The following ZSWIM6 variants were observed in gnomAD, a reference collection of about 807,000 sequenced individuals.
ZSWIM6 encodes zinc finger SWIM-type containing 6, also known as zinc finger SWIM domain-containing protein 6.
ZSWIM6 carries 9 observed loss-of-function variants against 113.2 expected under a neutral mutation model. That is an observed-to-expected ratio of 0.08 (90% CI 0.05 to 0.14). ZSWIM6 has a LOEUF of 0.14. ZSWIM6 is among the 10% of genes least tolerant of loss of function. The probability of loss-of-function intolerance (pLI) is 1.00; values close to 1 mark genes in which losing one functional copy is unlikely to be tolerated. For synonymous variants in ZSWIM6, 611 were observed against 606.5 expected, an observed-to-expected ratio of 1.01 and a Z score of -0.11; for missense variants, 1,162 against 1,552.2, an observed-to-expected ratio of 0.75 and a Z score of 4.22.
chr5:61,446,350 T>A (rs986210082), intron 1 of ZSWIM6, among the ~76,000 whole-genome samples: 19 of 152,206 alleles, frequency 1.2e-4, no homozygotes, highest in Non-Finnish European at 2.6e-4. Flanking sequence ...TAGACAAAGC[T>A]AGTCATCAGT....
At chr5:61,339,937 A>G (rs1744501643) in intron 1 of ZSWIM6, among the ~76,000 whole-genome samples, 2 of 152,250 alleles carry the variant, frequency 1.3e-5, no homozygotes, top group African/African-American at 4.8e-5. Flanking sequence ...AATCAGTATC[A>G]AATGATAATT....
At chr5:61,537,291 C>G (rs1194209278) in intron 10 of ZSWIM6, among the ~76,000 whole-genome samples, 1 of 152,028 alleles carries the variant, frequency 6.6e-6, no homozygotes, top group Admixed American at 6.6e-5. Flanking sequence ...AATTTTTTTT[C>G]CACTTTCTCT....
chr5:61,539,003 T>C (rs781021076), intron 11 of ZSWIM6, 32 bp downstream of exon 11: 2 of 1,463,682 alleles, frequency 1.4e-6, no homozygotes, highest in Non-Finnish European at 1.8e-6. Flanking sequence ...TCATAATTGT[T>C]TCATTCGTTT....
chr5:61,370,161 G>T (rs1348209010), intron 1 of ZSWIM6, among the ~76,000 whole-genome samples: 2 of 152,018 alleles, frequency 1.3e-5, no homozygotes, highest in African/African-American at 4.8e-5. Context: ...TCATTGCACT[G>T]TTATTTTTGA....
intron 1 of ZSWIM6, among the ~76,000 whole-genome samples, chr5:61,414,874 G>A (rs1219770633): frequency 6.6e-6 from 1 of 152,126 alleles, no homozygotes; most frequent in Non-Finnish European, 1.5e-5. Flanking sequence ...GATGAGTTAC[G>A]ATAAAAAATG....
intron 1 of ZSWIM6, among the ~76,000 whole-genome samples, chr5:61,418,835 T>C (rs1342039819): frequency 6.6e-6 from 1 of 152,162 alleles, no homozygotes; most frequent in Non-Finnish European, 1.5e-5. Flanking sequence ...TACTATTATT[T>C]TTTTGAGACA....
intron 4 of ZSWIM6, among the ~76,000 whole-genome samples, chr5:61,495,742 T>C (rs866411075): frequency 1.6e-4 from 24 of 152,194 alleles, no homozygotes; most frequent in Admixed American, 3.3e-4. Flanking sequence ...TCCTAAATGT[T>C]TTACTTTTTA....
chr5:61,497,935 T>C (rs529262719), intron 4 of ZSWIM6, among the ~76,000 whole-genome samples: 2 of 152,258 alleles, frequency 1.3e-5, no homozygotes, highest in South Asian at 4.1e-4. Flanking sequence ...CCAGTGCTGA[T>C]TGGGGGTGAG....
chr5:61,364,875 C>CA (rs1446226080), intron 1 of ZSWIM6, among the ~76,000 whole-genome samples: 1 of 152,082 alleles, frequency 6.6e-6, no homozygotes, highest in Non-Finnish European at 1.5e-5. Context: ...TTTGGGGGGA[C>CA]AAAAACATTC....
At chr5:61,444,062 G>A (rs1204165120) in intron 1 of ZSWIM6, among the ~76,000 whole-genome samples, 1 of 150,548 alleles carries the variant, frequency 6.6e-6, no homozygotes, top group African/African-American at 2.4e-5. Flanking sequence ...TCGTCATTTA[G>A]CATTAGGTAT....
At chr5:61,375,078 C>T in intron 1 of ZSWIM6, 2 of 1,588,676 alleles carry the variant, frequency 1.3e-6, no homozygotes, top group South Asian at 2.2e-5. Flanking sequence ...GCCCGGTTTC[C>T]CTCGGTGTGC....
intron 4 of ZSWIM6, among the ~76,000 whole-genome samples, chr5:61,500,976 G>A (rs1384549587): frequency 6.6e-6 from 1 of 152,084 alleles, no homozygotes; most frequent in Non-Finnish European, 1.5e-5. Context: ...CTGTCCTGCT[G>A]GGATGGGGTT....
At chr5:61,333,409 C>G (rs75989234) in intron 1 of ZSWIM6, among the ~76,000 whole-genome samples, 6 of 151,842 alleles carry the variant, frequency 4.0e-5, no homozygotes, top group African/African-American at 1.2e-4. Context: ...GGCGCTCCCC[C>G]CCTCTCCCAC....
chr5:61,470,983 T>A (rs1019228218), intron 1 of ZSWIM6, among the ~76,000 whole-genome samples: 1 of 152,230 alleles, frequency 6.6e-6, no homozygotes, highest in Non-Finnish European at 1.5e-5. Flanking sequence ...TGTAAACTCT[T>A]ACCATTGTCT....
At chr5:61,464,158 ATTTTTTTTTTTTTTTTTT>A (rs869288331) in intron 1 of ZSWIM6, among the ~76,000 whole-genome samples, 12 of 43,514 alleles carry the variant, frequency 2.8e-4, no homozygotes, top group Non-Finnish European at 3.7e-4. Context: ...CACCCGGCTA[ATTTTTTTTTTTTTTTTTT>A]TTTTTTTTTT....
rs561037551 is a variant in ZSWIM6 at position 61,366,155 on chromosome 5, C to T, written c.676+33207C>T. ...CAGCGATCTGCCCGCCTTGGCCTCT[C>T]AAAGTGCTGGGATTACAAGCGTGAA... On this transcript the variant is annotated intron_variant, in intron 1 of 13. Coordinates refer to ENST00000252744, the MANE Select transcript of ZSWIM6 (RefSeq NM_020928.2). Among the ~76,000 whole-genome samples the T allele has an allele frequency of 1.1e-3, 160 of 152,330 alleles. 1 individual carries two copies. The highest frequency in any genetic ancestry group is 3.6e-3 in the African/African-American group (150 of 41,580).
intron 4 of ZSWIM6, among the ~76,000 whole-genome samples, chr5:61,495,503 G>T (rs1384142617): frequency 2.6e-5 from 4 of 152,236 alleles, no homozygotes; most frequent in Non-Finnish European, 5.9e-5. Context: ...TTAGATATTT[G>T]TTGACTTTTT....
At chr5:61,463,070 C>T (rs1394627125) in intron 1 of ZSWIM6, among the ~76,000 whole-genome samples, 2 of 152,072 alleles carry the variant, frequency 1.3e-5, no homozygotes, top group Admixed American at 1.3e-4. Context: ...TATGAGGAAT[C>T]CCAGGGATGT....
At chr5:61,398,897 A>G (rs1745890466) in intron 1 of ZSWIM6, among the ~76,000 whole-genome samples, 1 of 145,658 alleles carries the variant, frequency 6.9e-6, no homozygotes, top group Non-Finnish European at 1.5e-5. Context: ...GAAGGAGAGC[A>G]AGTTGTGTAT....
Sources: gnomAD v4.1 joint callset for allele counts (sites outside exome capture counted in the v4.1 genomes callset) on GRCh38, gnomAD v4.1.1 for gene constraint, MANE v1.5 for transcripts, NCBI Gene and HGNC (gene_info 2026-07-23, HGNC 2026-07-21) for gene names.